Variants in FAM53A observed in about 807,000 individuals in gnomAD.
The protein encoded by FAM53A is protein FAM53A.
Under a neutral mutation model 26.6 loss-of-function variants are expected in FAM53A, and 28 were observed. That is an observed-to-expected ratio of 1.05 (90% CI 0.78 to 1.45). The LOEUF (loss-of-function observed/expected upper bound fraction) is 1.45. FAM53A is among the 40% of genes most tolerant of loss of function. The probability of loss-of-function intolerance (pLI) is 0.00; values close to 1 mark genes in which losing one functional copy is unlikely to be tolerated. For missense variants in FAM53A, 650 were observed against 575.8 expected (o/e 1.13, Z -1.32); for synonymous variants, 290 against 253.1 (o/e 1.15, Z -1.38).
At chr4:1,648,981 T>C (rs535485079) in intron 4 of FAM53A, among the ~76,000 whole-genome samples, 81 of 152,226 alleles carry the variant, frequency 5.3e-4, no homozygotes, top group Admixed American at 1.6e-3. Context: ...GGTGTGGTGG[T>C]GGGCGCCTAC....
At chr4:1,585,670 G>A in the FAM53A span, among the ~76,000 whole-genome samples, 8 of 152,120 alleles carry the variant, frequency 5.3e-5, no homozygotes, top group African/African-American at 4.8e-5. Context: ...TCTGTGCCTA[G>A]CTTATTTTGC....
At chr4:1,575,522 G>T in the FAM53A span, among the ~76,000 whole-genome samples, 1 of 152,146 alleles carries the variant, frequency 6.6e-6, no homozygotes, top group Non-Finnish European at 1.5e-5. Flanking sequence ...TGGCCTGGGA[G>T]GGGGGCTGTC....
At chr4:1,632,218 T>C (rs1453116483) in intron 1 of FAM53A, among the ~76,000 whole-genome samples, 2 of 148,404 alleles carry the variant, frequency 1.3e-5, no homozygotes, top group African/African-American at 5.0e-5. Context: ...AAAGAGGTAG[T>C]TAGGGTTAAA....
At chr4:1,583,309 G>A in the FAM53A span, among the ~76,000 whole-genome samples, 1 of 152,198 alleles carries the variant, frequency 6.6e-6, no homozygotes, top group Non-Finnish European at 1.5e-5. Flanking sequence ...AGGAAGCGGG[G>A]TCCCAGGTCT....
the FAM53A span, among the ~76,000 whole-genome samples, chr4:1,593,170 G>A: frequency 6.6e-6 from 1 of 152,312 alleles, no homozygotes; most frequent in South Asian, 2.1e-4. Context: ...CGGGGGCCGG[G>A]GGCATCTGAG....
the FAM53A span, among the ~76,000 whole-genome samples, chr4:1,575,352 C>A: frequency 1.3e-5 from 2 of 152,210 alleles, no homozygotes; most frequent in African/African-American, 2.4e-5. Context: ...TTGGCATCAT[C>A]CAATCTCCAC....
At chr4:1,669,978 A>G (rs1714514835) in intron 1 of FAM53A, among the ~76,000 whole-genome samples, 1 of 152,214 alleles carries the variant, frequency 6.6e-6, no homozygotes, top group African/African-American at 2.4e-5. Context: ...TTAAGGGCGG[A>G]CAGGACGCCA....
At chr4:1,596,224 C>G in the FAM53A span, among the ~76,000 whole-genome samples, 1 of 152,270 alleles carries the variant, frequency 6.6e-6, no homozygotes, top group Non-Finnish European at 1.5e-5. Context: ...GACTCACATC[C>G]TCGCAGCACA....
intron 2 of FAM53A, among the ~76,000 whole-genome samples, chr4:1,658,263 T>G (rs1577130394): frequency 6.7e-6 from 1 of 149,804 alleles, no homozygotes; most frequent in African/African-American, 2.5e-5. Flanking sequence ...CTCGTGATCT[T>G]CCCGCCTCAG....
the FAM53A span, among the ~76,000 whole-genome samples, chr4:1,607,216 A>C: frequency 6.6e-6 from 1 of 151,412 alleles, no homozygotes; most frequent in Non-Finnish European, 1.5e-5. Context: ...ACAGGGTTTC[A>C]CCCTATTAGC....
intron 4 of FAM53A, among the ~76,000 whole-genome samples, chr4:1,643,039 C>T (rs1711876392): frequency 6.6e-6 from 1 of 152,226 alleles, no homozygotes; most frequent in Non-Finnish European, 1.5e-5. Flanking sequence ...TCACCTTCGT[C>T]CAGAGCAAGG....
At chr4:1,577,377 C>T in the FAM53A span, among the ~76,000 whole-genome samples, 1 of 152,196 alleles carries the variant, frequency 6.6e-6, no homozygotes, top group Non-Finnish European at 1.5e-5. Context: ...ATGCGGACCC[C>T]GCCAGCAGAC....
intron 4 of FAM53A, among the ~76,000 whole-genome samples, chr4:1,653,934 C>A (rs889399710): frequency 2.6e-5 from 4 of 152,226 alleles, no homozygotes; most frequent in Non-Finnish European, 4.4e-5. Context: ...CCAGGCCCAG[C>A]CCACCCGAGC....
chr4:1,665,303 G>C (rs916992232), intron 2 of FAM53A, among the ~76,000 whole-genome samples: 1 of 151,070 alleles, frequency 6.6e-6, no homozygotes, highest in Non-Finnish European at 1.5e-5. Context: ...GGGTGACAGA[G>C]CAAGACTCCA....
chr4:1,599,364 C>G, the FAM53A span, among the ~76,000 whole-genome samples: 460 of 152,306 alleles, frequency 3.0e-3, 3 homozygotes, highest in African/African-American at 0.011. This position sits in a 1 kb window ranked among gnomAD's most constrained non-coding sequence, Gnocchi z 6.1. Context: ...TCGGGCCAGC[C>G]AGGAGCCCAT....
the FAM53A span, among the ~76,000 whole-genome samples, chr4:1,599,841 G>A: frequency 2.0e-5 from 3 of 152,158 alleles, no homozygotes; most frequent in African/African-American, 7.2e-5. This position sits in a 1 kb window ranked among gnomAD's most constrained non-coding sequence, Gnocchi z 6.1. Context: ...GCTGAGTGTT[G>A]GCTCCCAGGA....
the FAM53A span, among the ~76,000 whole-genome samples, chr4:1,586,920 ATAG>A: frequency 3.3e-5 from 5 of 152,000 alleles, no homozygotes; most frequent in South Asian, 1.0e-3. Context: ...CATCTTTTTG[ATAG>A]TAGCTGTTCT....
At chr4:1,585,560 A>C in the FAM53A span, among the ~76,000 whole-genome samples, 451 of 152,120 alleles carry the variant, frequency 3.0e-3, no homozygotes, top group African/African-American at 0.011. Flanking sequence ...CTGAGATTAC[A>C]GGTGTGAGCC....
intron 2 of FAM53A, among the ~76,000 whole-genome samples, chr4:1,667,509 C>T (rs1246394556): frequency 6.6e-6 from 1 of 152,110 alleles, no homozygotes; most frequent in Non-Finnish European, 1.5e-5. Context: ...GTGCCAGGCC[C>T]CACAAGCAGT....
Sources: allele counts gnomAD v4.1 joint callset (sites outside exome capture counted in the v4.1 genomes callset), GRCh38; gene constraint gnomAD v4.1.1; non-coding constraint Gnocchi (gnomAD v3.1); transcripts MANE v1.5; gene names NCBI Gene and HGNC (gene_info 2026-07-23, HGNC 2026-07-21).